Variants in HERC3 observed in about 807,000 individuals in gnomAD.
The protein encoded by HERC3 is probable E3 ubiquitin-protein ligase HERC3.
In HERC3, 58 loss-of-function variants were observed where a neutral mutation model predicts 129.9. The ratio of observed to expected loss-of-function variants is 0.45; its 90% CI spans 0.36 to 0.56. The LOEUF is 0.56. Ranked by LOEUF, HERC3 falls within the 20% of genes least tolerant of loss-of-function variation. The pLI, the probability that HERC3 is intolerant of heterozygous loss-of-function variation, is 0.00. For synonymous variants in HERC3, 430 were observed against 451.0 expected (o/e 0.95, Z 0.59); for missense variants, 835 against 1,244.2 (o/e 0.67, Z 4.95).
chr4:88,576,870 C>G, the HERC3 span, among the ~76,000 whole-genome samples: 2 of 152,126 alleles, frequency 1.3e-5, no homozygotes, highest in African/African-American at 2.4e-5. Flanking sequence ...CTTACAGACT[C>G]CTTCCCCTCC....
chr4:88,697,299 T>C, intron 23 of HERC3: 1 of 1,607,176 alleles, frequency 6.2e-7, no homozygotes, highest in African/African-American at 1.3e-5. Context: ...CCTCCTCGTC[T>C]TCCCCCTCCT....
the HERC3 span, among the ~76,000 whole-genome samples, chr4:88,529,725 G>C: frequency 6.6e-6 from 1 of 151,208 alleles, no homozygotes; most frequent in Admixed American, 6.6e-5. Context: ...CTGCACTCTA[G>C]CCTGGGCAAT....
chr4:88,591,714 T>C (rs1364857923), upstream of HERC3, among the ~76,000 whole-genome samples: 1 of 152,156 alleles, frequency 6.6e-6, no homozygotes, highest in Non-Finnish European at 1.5e-5. Flanking sequence ...GAGGAAGCTC[T>C]GGGATTCGGC....
chr4:88,632,328 A>T (rs759582791), intron 3 of HERC3, among the ~76,000 whole-genome samples: 89 of 152,312 alleles, frequency 5.8e-4, no homozygotes, highest in Middle Eastern at 3.4e-3. Flanking sequence ...AAAATTGTTA[A>T]CATTCCCCAG....
intron 3 of HERC3, among the ~76,000 whole-genome samples, chr4:88,645,477 G>C (rs1384840805): frequency 6.6e-6 from 1 of 152,130 alleles, no homozygotes; most frequent in Non-Finnish European, 1.5e-5. Context: ...AGTGCCAACT[G>C]TTAATCACTA....
At chr4:88,555,281 C>CA in the HERC3 span, among the ~76,000 whole-genome samples, 18,072 of 110,216 alleles carry the variant, frequency 0.16, 1,420 homozygotes, top group Admixed American at 0.28. Context: ...GACTCCGTCT[C>CA]AAAAAAAAAA....
intron 3 of HERC3, among the ~76,000 whole-genome samples, chr4:88,647,151 A>G (rs949648036): frequency 2.6e-5 from 4 of 152,140 alleles, no homozygotes; most frequent in African/African-American, 9.7e-5. Flanking sequence ...GTCAATGGTC[A>G]TTGGAATCCA....
At chr4:88,548,685 G>A in the HERC3 span, among the ~76,000 whole-genome samples, 1 of 148,966 alleles carries the variant, frequency 6.7e-6, no homozygotes, top group Non-Finnish European at 1.5e-5. Flanking sequence ...TTTTGAGATG[G>A]AGTCTCACTC....
intron 6 of HERC3, among the ~76,000 whole-genome samples, chr4:88,653,429 G>A (rs1215216527): frequency 6.6e-6 from 1 of 152,260 alleles, no homozygotes; most frequent in Non-Finnish European, 1.5e-5. Flanking sequence ...CTGTCAGAGA[G>A]AACTGGGTGT....
At position 88,707,941 on chromosome 4, in the gene HERC3, CTTCT is replaced by C. The variant is rs1735903953; in HGVS notation, c.*984_*987del. On this transcript the variant is annotated 3_prime_UTR_variant, in exon 26 of 26. Coordinates refer to ENST00000402738, the MANE Select transcript of HERC3 (RefSeq NM_014606.3). ...GTCCTCCCTGATTTTCCTTTCGTTT[CTTCT>C]TTATTTTATCCCATTCTCTGTTACT... 6.6e-6 allele frequency: 1 copy of C among 152,474 alleles called. No individual in the cohort carries two copies. The highest frequency in any genetic ancestry group is 1.5e-5 in the Non-Finnish European group (1 of 68,006). 9.4% of individuals were successfully genotyped at this position (152,474 alleles called of 1,614,324 possible).
intron 7 of HERC3, 82 bp from the exon 8 acceptor site, chr4:88,655,092 T>C (rs1309964231): frequency 3.4e-5 from 49 of 1,436,172 alleles, no homozygotes; most frequent in Non-Finnish European, 4.5e-5. Flanking sequence ...TGCACATTGT[T>C]GTGATAGGCA....
At chr4:88,613,656 C>G (rs1724593887) in intron 3 of HERC3, among the ~76,000 whole-genome samples, 1 of 152,202 alleles carries the variant, frequency 6.6e-6, no homozygotes, top group Non-Finnish European at 1.5e-5. Context: ...CCTGTAATGA[C>G]TTCCTGTTAT....
chr4:88,581,708 T>G, the HERC3 span, among the ~76,000 whole-genome samples: 2 of 152,158 alleles, frequency 1.3e-5, no homozygotes, highest in African/African-American at 4.8e-5. Flanking sequence ...TGCCTTGGCC[T>G]CCCAAAGTGC....
At chr4:88,564,475 C>T in the HERC3 span, among the ~76,000 whole-genome samples, 2 of 152,084 alleles carry the variant, frequency 1.3e-5, no homozygotes, top group Non-Finnish European at 2.9e-5. Flanking sequence ...GGTCTATTCA[C>T]GTTTTGGATT....
At chr4:88,596,173 A>G (rs952734871) in intron 2 of HERC3, among the ~76,000 whole-genome samples, 2 of 152,084 alleles carry the variant, frequency 1.3e-5, no homozygotes, top group African/African-American at 4.8e-5. Context: ...TAGTGGACCA[A>G]AGTTACTTGG....
chr4:88,632,583 A>G (rs1190322157), intron 3 of HERC3, among the ~76,000 whole-genome samples: 1 of 152,240 alleles, frequency 6.6e-6, no homozygotes, highest in Non-Finnish European at 1.5e-5. Flanking sequence ...CAAGAAATAG[A>G]TGATGTGAAG....
Position 88,661,799 on chromosome 4 carries a change from TG to T in HERC3, c.1147-631del, listed in dbSNP as rs1476984873. ...CTTGAAGCAAGAAATTAAGAGTCAT[TG>T]TTTTTATAGGTTATTTGTCATATAG... is the stretch of plus-strand genomic sequence containing the variant. On this transcript the variant is annotated intron_variant, in intron 10 of 25. Coordinates refer to ENST00000402738, the MANE Select transcript of HERC3 (RefSeq NM_014606.3). Among the ~76,000 whole-genome samples, 3 of 152,364 alleles carry T rather than the reference TG, an allele frequency of 2.0e-5. No homozygotes were observed. The South Asian group carries it at 6.2e-4, about 32-fold the overall frequency.
At chr4:88,624,535 G>A (rs982625170) in intron 3 of HERC3, among the ~76,000 whole-genome samples, 1 of 152,138 alleles carries the variant, frequency 6.6e-6, no homozygotes, top group Admixed American at 6.5e-5. Context: ...TTTGCAGAGT[G>A]TATGTTCAAA....
the HERC3 span, among the ~76,000 whole-genome samples, chr4:88,581,307 A>ATT: frequency 6.9e-6 from 1 of 143,888 alleles, no homozygotes; most frequent in Non-Finnish European, 1.5e-5. Context: ...TATTATTATT[A>ATT]TTTTTTTTTT....
Sources: allele counts gnomAD v4.1 joint callset (sites outside exome capture counted in the v4.1 genomes callset), GRCh38; gene constraint gnomAD v4.1.1; transcripts MANE v1.5; gene names NCBI Gene and HGNC (gene_info 2026-07-23, HGNC 2026-07-21).